LRP1B: variants seen among roughly 807,000 people sequenced by gnomAD.
LRP1B encodes the protein LDL receptor related protein 1B.
In LRP1B, 217 loss-of-function variants were observed where a neutral mutation model predicts 556.6. The observed-to-expected ratio is 0.39, with a 90% confidence interval of 0.35 to 0.44. LRP1B has a LOEUF of 0.44. Among genes scored for constraint, LRP1B ranks in the 20% least tolerant of loss-of-function variants. The pLI is 1.00. For synonymous variants in LRP1B, 2,047 were observed against 1,865.8 expected, an observed-to-expected ratio of 1.10 and a Z score of -2.50; for missense variants, 5,053 against 5,620.8, an observed-to-expected ratio of 0.90 and a Z score of 3.23.
chr2:141,255,575 T>C (rs773102102), intron 3 of LRP1B, among the ~76,000 whole-genome samples: 11 of 152,122 alleles, frequency 7.2e-5, no homozygotes, highest in Non-Finnish European at 1.5e-4. Flanking sequence ...ATCTATAGTA[T>C]ATCCTTAGTT....
rs568755998 is a variant in LRP1B at position 141,855,304 on chromosome 2, C to T, written c.83-44903G>A. Among the ~76,000 whole-genome samples the T allele has an allele frequency of 8.6e-4, 131 of 152,196 alleles. 2 individuals are homozygous for T. The highest frequency in any genetic ancestry group is 6.8e-3 in the Middle Eastern group (2 of 294). ...CTGCCTAAAGAAGGGTGAATCTTCT[C>T]TGTTAGCCCCTTAACGGGATAAGAC... On this transcript the variant is annotated intron_variant, in intron 1 of 90. Transcript: ENST00000389484.
At chr2:140,758,270 G>A (rs990146215) in intron 35 of LRP1B, among the ~76,000 whole-genome samples, 1 of 137,220 alleles carries the variant, frequency 7.3e-6, no homozygotes, top group African/African-American at 2.8e-5. Flanking sequence ...ATAGGAGAGC[G>A]TTCATGTTAG....
At chr2:141,982,045 T>C (rs1702057275) in intron 1 of LRP1B, among the ~76,000 whole-genome samples, 1 of 152,148 alleles carries the variant, frequency 6.6e-6, no homozygotes, top group African/African-American at 2.4e-5. Context: ...ACTGACCAAG[T>C]AAAAATTTTG....
chr2:140,715,567 G>A (rs975944029), intron 37 of LRP1B, among the ~76,000 whole-genome samples: 35 of 152,128 alleles, frequency 2.3e-4, no homozygotes, highest in African/African-American at 7.7e-4. Context: ...ACAAAAGTTT[G>A]GGATGAACAT....
chr2:142,117,213 AAG>A (rs1707302804), intron 1 of LRP1B, among the ~76,000 whole-genome samples: 5 of 152,270 alleles, frequency 3.3e-5, no homozygotes, highest in Non-Finnish European at 7.4e-5. Flanking sequence ...ATCCCATGTT[AAG>A]TCACAATTGG....
At chr2:140,793,707 A>G (rs1379592654) in intron 32 of LRP1B, among the ~76,000 whole-genome samples, 1 of 152,070 alleles carries the variant, frequency 6.6e-6, no homozygotes, top group Non-Finnish European at 1.5e-5. Flanking sequence ...CCTCCACATT[A>G]TAGCTTATTT....
chr2:140,450,367 C>T lies in LRP1B; in HGVS notation c.10057+201G>A, dbSNP rs75455597. On this transcript the variant is annotated intron_variant, in intron 63 of 90. Transcript: ENST00000389484. ...AACACGAATGGCTTATGGCACCATT[C>T]TAAGTGTAACAGTTATCAGGGAGAT... 5.1e-3 allele frequency among the ~76,000 whole-genome samples: 776 copies of T among 152,242 alleles called. 9 individuals carry two copies. The highest frequency in any genetic ancestry group is 0.016 in the African/African-American group (669 of 41,550).
chr2:141,845,974 A>G (rs1326756232), intron 1 of LRP1B, among the ~76,000 whole-genome samples: 1 of 151,378 alleles, frequency 6.6e-6, no homozygotes, highest in Admixed American at 6.6e-5. Flanking sequence ...ACTTCAGGCC[A>G]TAGAACTCTC....
chr2:141,270,254 T>C (rs1040015742), intron 3 of LRP1B, among the ~76,000 whole-genome samples: 6 of 152,072 alleles, frequency 3.9e-5, no homozygotes, highest in Non-Finnish European at 8.8e-5. Context: ...TTAAGACAGC[T>C]ATTATTAAAC....
At chr2:141,591,204 A>T (rs1687322068) in intron 2 of LRP1B, among the ~76,000 whole-genome samples, 1 of 151,968 alleles carries the variant, frequency 6.6e-6, no homozygotes, top group Non-Finnish European at 1.5e-5. Flanking sequence ...ATACTTCCTA[A>T]TTACTCCAGA....
intron 2 of LRP1B, among the ~76,000 whole-genome samples, chr2:141,763,001 G>T (rs1001542701): frequency 6.6e-6 from 1 of 152,190 alleles, no homozygotes; most frequent in African/African-American, 2.4e-5. Context: ...CATCTTAGGT[G>T]CAAGTTGTAA....
chr2:140,942,107 T>C (rs2105287872), intron 20 of LRP1B, among the ~76,000 whole-genome samples: 1 of 152,284 alleles, frequency 6.6e-6, no homozygotes, highest in African/African-American at 2.4e-5. Context: ...AACTGAACTT[T>C]TATAAATTGA....
intron 47 of LRP1B, among the ~76,000 whole-genome samples, chr2:140,531,162 C>A (rs1376402730): frequency 6.6e-6 from 1 of 152,088 alleles, no homozygotes; most frequent in African/African-American, 2.4e-5. Flanking sequence ...CCCATAGTTT[C>A]TTTTGATGAA....
intron 87 of LRP1B, 96 bp from the exon 88 acceptor site, chr2:140,239,628 T>A (rs3748864): frequency 1.5e-6 from 1 of 683,352 alleles, no homozygotes; most frequent in East Asian, 3.0e-5. Context: ...ACTTGACCAT[T>A]GATATAATAA....
At position 140,769,235 on chromosome 2, in the gene LRP1B, G is replaced by A. The variant is rs138192122; in HGVS notation, c.5736C>T (p.Ala1912=). 3.5e-4 allele frequency: 562 copies of A among 1,611,558 alleles called. No individual in the cohort carries two copies. The highest frequency in any genetic ancestry group is 3.7e-4 in the South Asian group (34 of 90,990). ...ALMPISGTSF[A]VGIDFHAEND... Reference sequence around the variant, plus strand: ...TACCTGCATGGAAATCTATTCCCACGGCAAATGAAGTTCCTGATATAGGCA... The same window carrying A: ...TACCTGCATGGAAATCTATTCCCACAGCAAATGAAGTTCCTGATATAGGCA... The change falls in exon 35 of 91, where the codon GCC becomes GCT. Residue 1912 remains alanine, a synonymous_variant. Coordinates refer to ENST00000389484, the MANE Select transcript of LRP1B (RefSeq NM_018557.3).
intron 45 of LRP1B, among the ~76,000 whole-genome samples, chr2:140,539,048 C>T (rs1456076109): frequency 6.6e-6 from 1 of 152,126 alleles, no homozygotes; most frequent in Non-Finnish European, 1.5e-5. Flanking sequence ...TTCTCTTGCA[C>T]AGCAATTACT....
chr2:140,301,739 G>C (rs896837389), intron 83 of LRP1B, among the ~76,000 whole-genome samples: 3 of 151,292 alleles, frequency 2.0e-5, no homozygotes, highest in Non-Finnish European at 3.0e-5. Context: ...GTGTAGTGTT[G>C]CTTATATATA....
intron 86 of LRP1B, among the ~76,000 whole-genome samples, chr2:140,268,141 G>A (rs1452496146): frequency 6.6e-6 from 1 of 152,048 alleles, no homozygotes; most frequent in Non-Finnish European, 1.5e-5. Context: ...AGCCTTACTG[G>A]TGTTCTAAAA....
At position 141,814,124 on chromosome 2, in the gene LRP1B, A is replaced by T. The variant is rs142136126; in HGVS notation, c.83-3723T>A. 2.9e-3 allele frequency among the ~76,000 whole-genome samples: 444 copies of T among 152,316 alleles called. 17 individuals carry two copies. Among genetic ancestry groups the T allele is most frequent in the Admixed American group, 0.023 (347 of 15,288 alleles). On this transcript the variant is annotated intron_variant, in intron 1 of 90. Transcript: ENST00000389484. ...TGTGGCCAATCACAGAAAGATAGGTATATGTAAAACAGATGAAAGGTATGA... is the reference window on the plus strand; with the variant it reads ...TGTGGCCAATCACAGAAAGATAGGTTTATGTAAAACAGATGAAAGGTATGA...
Sources: allele counts gnomAD v4.1 joint callset (sites outside exome capture counted in the v4.1 genomes callset), GRCh38; gene constraint gnomAD v4.1.1; transcripts MANE v1.5; gene names NCBI Gene and HGNC (gene_info 2026-07-23, HGNC 2026-07-21).